The following EXOC6 variants were observed in gnomAD, a reference collection of about 807,000 sequenced individuals.
EXOC6 encodes exocyst complex component 6.
In EXOC6, 60 loss-of-function variants were observed where a neutral mutation model predicts 112.5. The observed-to-expected ratio is 0.53, with a 90% CI of 0.43 to 0.66. The LOEUF (loss-of-function observed/expected upper bound fraction) is 0.66. Among genes scored for constraint, EXOC6 ranks in the 30% least tolerant of loss-of-function variants. The pLI, the probability that EXOC6 is intolerant of heterozygous loss-of-function variation, is 0.00. For missense variants in EXOC6, 855 were observed against 957.1 expected, an observed-to-expected ratio of 0.89 and a Z score of 1.41; for synonymous variants, 295 against 308.0, an observed-to-expected ratio of 0.96 and a Z score of 0.44.
Position 92,893,334 on chromosome 10 carries a change from C to T in EXOC6, c.102-15C>T, listed in dbSNP as rs539465103. On this transcript the variant is annotated splice_polypyrimidine_tract_variant and intron_variant, in intron 1 of 21. Transcript: ENST00000260762. ...ATACATTTTGGTTAATTTTAGCTTT[C>T]TTATATACATTCAGGTCTGTGTATG... 6 of 1,565,192 alleles carry T rather than the reference C, an allele frequency of 3.8e-6. No individual in the cohort carries two copies. In the East Asian group the frequency reaches 1.1e-4, roughly 29 times the overall value.
chr10:92,998,624 C>T (rs1275991819), intron 19 of EXOC6, among the ~76,000 whole-genome samples: 1 of 82,948 alleles, frequency 1.2e-5, no homozygotes, highest in Non-Finnish European at 2.4e-5. Flanking sequence ...TTGTCTGTTG[C>T]ACACCACACA....
At chr10:92,932,488 C>G (rs570193358) in intron 9 of EXOC6, among the ~76,000 whole-genome samples, 1 of 152,070 alleles carries the variant, frequency 6.6e-6, no homozygotes, top group East Asian at 1.9e-4. Context: ...CAAACATAAA[C>G]AGAAAATCTT....
intron 12 of EXOC6, among the ~76,000 whole-genome samples, chr10:92,939,049 G>A (rs995681931): frequency 6.6e-6 from 1 of 152,102 alleles, no homozygotes; most frequent in Non-Finnish European, 1.5e-5. Context: ...ATTAGAAACT[G>A]TAGAATAGCG....
chr10:93,027,002 C>T (rs1207227814), intron 20 of EXOC6, among the ~76,000 whole-genome samples: 1 of 152,196 alleles, frequency 6.6e-6, no homozygotes, highest in African/African-American at 2.4e-5. Context: ...TTGCACCAAA[C>T]AGCCAAGGTG....
intron 14 of EXOC6, among the ~76,000 whole-genome samples, chr10:92,949,251 A>G (rs1853244970): frequency 6.6e-6 from 1 of 151,740 alleles, no homozygotes; most frequent in Admixed American, 6.6e-5. Flanking sequence ...ATGACTGTAA[A>G]TTTTTGTTGT....
intron 20 of EXOC6, among the ~76,000 whole-genome samples, chr10:93,036,204 G>A (rs894764936): frequency 6.9e-6 from 1 of 145,464 alleles, no homozygotes; most frequent in Non-Finnish European, 1.5e-5. Context: ...GGCAACAAGA[G>A]TGAAACTCCA....
intron 20 of EXOC6, among the ~76,000 whole-genome samples, chr10:93,040,743 C>G (rs1425547879): frequency 6.6e-6 from 1 of 152,220 alleles, no homozygotes; most frequent in Non-Finnish European, 1.5e-5. Flanking sequence ...GGCCAGTAGA[C>G]ATTTTTAGCC....
chr10:92,876,798 A>G (rs59504481), intron 1 of EXOC6, among the ~76,000 whole-genome samples: 3,533 of 152,278 alleles, frequency 0.023, 62 homozygotes, highest in African/African-American at 0.045. Flanking sequence ...TAGGGGCTGT[A>G]AGAAAAATCA....
intron 17 of EXOC6, among the ~76,000 whole-genome samples, chr10:92,970,702 T>G (rs1842261074): frequency 6.6e-6 from 1 of 152,234 alleles, no homozygotes; most frequent in African/African-American, 2.4e-5. Flanking sequence ...TAATGTCAGC[T>G]TTGTGTTGAA....
chr10:92,913,542 C>G (rs1311450915), intron 6 of EXOC6, among the ~76,000 whole-genome samples: 1 of 152,192 alleles, frequency 6.6e-6, no homozygotes, highest in African/African-American at 2.4e-5. Context: ...TAGGTGTTCA[C>G]CAAGAATGTC....
rs1331197298 is a variant in EXOC6, at chr10:92,933,578, AAACAT to A, written c.973-560_973-556del. ...TTTGATCACATTCATGAAATTTGCA[AAACAT>A]AACATTTGAACTTAATTGAAATATG... On this transcript the variant is annotated intron_variant, in intron 9 of 21. Transcript: ENST00000260762. Among the ~76,000 whole-genome samples, 7 of 152,360 alleles carry A rather than the reference AAACAT, an allele frequency of 4.6e-5. No individual in the cohort carries two copies. In the East Asian group the frequency reaches 5.8e-4, roughly 13 times the overall value.
chr10:92,946,856 A>T (rs1853048103), intron 13 of EXOC6, among the ~76,000 whole-genome samples: 1 of 152,072 alleles, frequency 6.6e-6, no homozygotes, highest in South Asian at 2.1e-4. Flanking sequence ...TCTCTGTCTA[A>T]CTTTCCATGA....
chr10:92,895,911 A>C (rs1849726309), intron 4 of EXOC6, among the ~76,000 whole-genome samples: 1 of 120,924 alleles, frequency 8.3e-6, no homozygotes, highest in Non-Finnish European at 1.8e-5. Flanking sequence ...CTTTTGTCCC[A>C]TTTTTAAACT....
rs1847794112 is a variant in EXOC6, at chr10:92,859,488, G to A, written c.101+10854G>A. On this transcript the variant is annotated intron_variant, in intron 1 of 21. Transcript: ENST00000260762. ...GATTATTATTTTCAACAGTGTCCTG[G>A]GGCATAAGTTATTCCACAGTCTGAT... Among the ~76,000 whole-genome samples the A allele has an allele frequency of 2.0e-5, 3 of 152,110 alleles. No homozygotes were observed. The South Asian group carries it at 6.2e-4, about 32-fold the overall frequency.
chr10:92,931,467 G>A (rs1049757641), intron 9 of EXOC6, among the ~76,000 whole-genome samples: 1 of 151,598 alleles, frequency 6.6e-6, no homozygotes, highest in African/African-American at 2.4e-5. Context: ...TATATAATGT[G>A]TAATGATCAA....
intron 1 of EXOC6, among the ~76,000 whole-genome samples, chr10:92,874,105 A>G (rs750984688): frequency 2.0e-5 from 3 of 151,980 alleles, no homozygotes; most frequent in Non-Finnish European, 2.9e-5. Context: ...GATTCTATGT[A>G]TATACATTTT....
rs117820270 is a variant in EXOC6 at position 92,937,350 on chromosome 10, A to G, written c.1212+1465A>G. Among the ~76,000 whole-genome samples, 456 of 152,342 alleles carry G rather than the reference A, an allele frequency of 3.0e-3. 1 individual carries two copies. The highest frequency in any genetic ancestry group is 5.1e-3 in the Non-Finnish European group (350 of 68,018). ...GTTCCCAAAAAGAAGATGATTATGCAGCATTTTCCCAATATATTTGACCCT... is the reference window on the plus strand; with the variant it reads ...GTTCCCAAAAAGAAGATGATTATGCGGCATTTTCCCAATATATTTGACCCT... On this transcript the variant is annotated intron_variant, in intron 12 of 21. Coordinates refer to ENST00000260762, the MANE Select transcript of EXOC6 (RefSeq NM_019053.6).
At chr10:93,025,256 A>G (rs1313492871) in intron 20 of EXOC6, among the ~76,000 whole-genome samples, 2 of 152,206 alleles carry the variant, frequency 1.3e-5, no homozygotes, top group Non-Finnish European at 2.9e-5. Context: ...CCTAGACTGC[A>G]TTCATGAAAT....
intron 13 of EXOC6, among the ~76,000 whole-genome samples, 197 bp downstream of exon 13, chr10:92,941,021 C>G (rs1437422015): frequency 1.3e-5 from 2 of 152,088 alleles, no homozygotes; most frequent in Non-Finnish European, 2.9e-5. Context: ...CACCACCATC[C>G]ATTTCCAGAA....
Sources: gnomAD v4.1 joint callset for allele counts (sites outside exome capture counted in the v4.1 genomes callset) on GRCh38, gnomAD v4.1.1 for gene constraint, MANE v1.5 for transcripts, NCBI Gene and HGNC (gene_info 2026-07-23, HGNC 2026-07-21) for gene names.